The following SEPTIN7 variants were observed in gnomAD, a reference collection of about 807,000 sequenced individuals.
SEPTIN7 encodes the protein septin 7.
SEPTIN7 carries 10 observed loss-of-function variants against 63.3 expected under a neutral mutation model. That is an observed-to-expected ratio of 0.16 (90% CI 0.10 to 0.27). The LOEUF (loss-of-function observed/expected upper bound fraction) is 0.27, where lower values mean the gene tolerates loss of function less well. Among genes scored for constraint, SEPTIN7 ranks in the 10% least tolerant of loss-of-function variants. The pLI, the probability that SEPTIN7 is intolerant of heterozygous loss-of-function variation, is 1.00. For synonymous variants in SEPTIN7, 131 were observed against 165.3 expected, an observed-to-expected ratio of 0.79 and a Z score of 1.59; for missense variants, 310 against 521.0, an observed-to-expected ratio of 0.59 and a Z score of 3.94.
At chr7:35,833,396 C>A (rs1783931118) in intron 3 of SEPTIN7, among the ~76,000 whole-genome samples, 1 of 151,970 alleles carries the variant, frequency 6.6e-6, no homozygotes, top group East Asian at 1.9e-4. Context: ...TCTCCTGGTT[C>A]TCTAATTCAG....
At chr7:35,870,999 A>G (rs528913952) in intron 4 of SEPTIN7, among the ~76,000 whole-genome samples, 1 of 152,294 alleles carries the variant, frequency 6.6e-6, no homozygotes, top group Non-Finnish European at 1.5e-5. Context: ...GATGTGCATC[A>G]ATCATTGATA....
intron 1 of SEPTIN7, among the ~76,000 whole-genome samples, chr7:35,828,371 G>A (rs575702690): frequency 2.6e-5 from 4 of 151,852 alleles, no homozygotes; most frequent in African/African-American, 9.7e-5. Context: ...GCTTTGCCTC[G>A]ACCCCCTTCT....
In SEPTIN7 at chr7:35,898,395, A is replaced by G. The variant is rs759845444; in HGVS notation, c.1134+12A>G. 3 of 1,514,886 alleles carry G rather than the reference A, an allele frequency of 2.0e-6. No homozygotes were observed. Among genetic ancestry groups the G allele is most frequent in the East Asian group, 2.5e-5 (1 of 40,642 alleles). The allele number at this position is 1,514,886 out of a possible 1,614,324, so 93.8% of individuals were successfully genotyped here. Reference sequence around the variant, plus strand: ...ACTCTGAAGCTGAGGTAATCAGTCTAATATCCCATCTCTTAGCAGACATTG... The same window carrying G: ...ACTCTGAAGCTGAGGTAATCAGTCTGATATCCCATCTCTTAGCAGACATTG... On this transcript the variant is annotated intron_variant, in intron 12 of 13. Coordinates refer to ENST00000350320, the MANE Select transcript of SEPTIN7 (RefSeq NM_001788.6).
chr7:35,882,701 T>A (rs1396965366), intron 8 of SEPTIN7, 125 bp downstream of exon 8: 16 of 853,636 alleles, frequency 1.9e-5, no homozygotes, highest in Non-Finnish European at 2.5e-5. Flanking sequence ...CTAGGGAGAT[T>A]TAATGTTGAA....
At chr7:35,809,128 A>T (rs1372153430) in intron 1 of SEPTIN7, among the ~76,000 whole-genome samples, 1 of 152,228 alleles carries the variant, frequency 6.6e-6, no homozygotes, top group Non-Finnish European at 1.5e-5. Context: ...CATTCACTTA[A>T]CAAATACACG....
Position 35,905,539 on chromosome 7 carries a change from G to A in SEPTIN7, c.*1246G>A, listed in dbSNP as rs1448996706. The A allele has an allele frequency of 2.0e-5, 3 of 151,462 alleles. No homozygotes were observed. Among genetic ancestry groups the A allele is most frequent in the Non-Finnish European group, 2.9e-5 (2 of 67,958 alleles). 9.4% of individuals were successfully genotyped at this position (151,462 alleles called of 1,614,324 possible). On this transcript the variant is annotated 3_prime_UTR_variant, in exon 14 of 14. Transcript: ENST00000350320. ...CTGAGAACATTTTTTTTTTCCCCCAGACAGGGTCTTGCTTCATTGCCCAGG... is the reference window on the plus strand; with the variant it reads ...CTGAGAACATTTTTTTTTTCCCCCAAACAGGGTCTTGCTTCATTGCCCAGG...
At chr7:35,808,801 C>G (rs1177931732) in intron 1 of SEPTIN7, among the ~76,000 whole-genome samples, 1 of 152,190 alleles carries the variant, frequency 6.6e-6, no homozygotes, top group Non-Finnish European at 1.5e-5. Flanking sequence ...ATGGATAGAT[C>G]ATGATATGGG....
chr7:35,857,816 T>C (rs915736419), intron 3 of SEPTIN7, among the ~76,000 whole-genome samples: 1 of 152,068 alleles, frequency 6.6e-6, no homozygotes, highest in African/African-American at 2.4e-5. Context: ...TAGTATGAGG[T>C]GTACATACTG....
At chr7:35,835,650 A>G (rs1254508331) in intron 3 of SEPTIN7, among the ~76,000 whole-genome samples, 1 of 152,210 alleles carries the variant, frequency 6.6e-6, no homozygotes, top group Non-Finnish European at 1.5e-5. Context: ...AGATGAATTC[A>G]GTGAAAGAGA....
intron 1 of SEPTIN7, among the ~76,000 whole-genome samples, chr7:35,829,118 C>CATGGA (rs1783676754): frequency 7.8e-6 from 1 of 128,980 alleles, no homozygotes; most frequent in African/African-American, 2.8e-5. Flanking sequence ...CATTATAGTT[C>CATGGA]ATGGACCTTC....
Position 35,847,155 on chromosome 7 carries a change from T to A in SEPTIN7, c.169+14255T>A, listed in dbSNP as rs149901129. On this transcript the variant is annotated intron_variant, in intron 3 of 13. Coordinates refer to ENST00000350320, the MANE Select transcript of SEPTIN7 (RefSeq NM_001788.6). ...CGTGTCCAGATTGGTGGCTCCGAAG[T>A]GGGCAGCCTTGTGCACACAGTCGTG... 35 of 161,826 alleles carry A rather than the reference T, an allele frequency of 2.2e-4. No individual in the cohort carries two copies. In the East Asian group the frequency reaches 5.7e-3, roughly 26 times the overall value. The allele number at this position is 161,826 out of a possible 1,614,324, so 10.0% of individuals were successfully genotyped here.
intron 3 of SEPTIN7, among the ~76,000 whole-genome samples, chr7:35,839,431 A>G (rs1784293116): frequency 6.6e-6 from 1 of 152,236 alleles, no homozygotes; most frequent in African/African-American, 2.4e-5. Context: ...AAAATTTTAC[A>G]GAATGGAAAT....
Position 35,801,101 on chromosome 7 carries a change from G to C in SEPTIN7, c.-109G>C. ...GAGGAGTCCGCCTGCTGTAGCGTGC[G>C]TAAGCAAGGCAGCTACGCCGGGCGG... On this transcript the variant is annotated 5_prime_UTR_variant, in exon 1 of 14. Transcript: ENST00000350320. 2 of 852,410 alleles carry C rather than the reference G, an allele frequency of 2.3e-6. No individual in the cohort carries two copies. Among genetic ancestry groups the C allele is most frequent in the Non-Finnish European group, 1.7e-6 (1 of 587,308 alleles). 52.8% of individuals were successfully genotyped at this position (852,410 alleles called of 1,614,324 possible). A position where few individuals can be genotyped will look rare whatever the true frequency, so the allele number is the denominator to read the frequency against.
intron 6 of SEPTIN7, among the ~76,000 whole-genome samples, chr7:35,879,172 A>G (rs1048905481): frequency 6.6e-6 from 1 of 152,202 alleles, no homozygotes; most frequent in Non-Finnish European, 1.5e-5. Flanking sequence ...TGTAATGAAT[A>G]AAAGGGATGT....
the SEPTIN7 span, among the ~76,000 whole-genome samples, chr7:35,913,163 G>A: frequency 3.1e-4 from 47 of 152,082 alleles, no homozygotes; most frequent in African/African-American, 1.1e-3. Flanking sequence ...TCCTCAGAGG[G>A]TTATGGACTC....
chr7:35,886,265 C>T (rs1397643844), intron 10 of SEPTIN7, among the ~76,000 whole-genome samples: 1 of 152,112 alleles, frequency 6.6e-6, no homozygotes, highest in East Asian at 1.9e-4. Context: ...AGGTGCACAG[C>T]CTGGTAGCTG....
chr7:35,903,352 A>G (rs774634340), intron 13 of SEPTIN7, 137 bp downstream of exon 13: 4 of 1,351,336 alleles, frequency 3.0e-6, no homozygotes, highest in Non-Finnish European at 3.9e-6. Flanking sequence ...AATGGTTTTC[A>G]TAGATAAATA....
chr7:35,812,495 T>C (rs1057216515), intron 1 of SEPTIN7, among the ~76,000 whole-genome samples: 4 of 152,160 alleles, frequency 2.6e-5, no homozygotes, highest in African/African-American at 9.7e-5. Context: ...ACGTTAGTAC[T>C]GGCCAGGGTT....
Position 35,845,877 on chromosome 7 carries a change from A to G in SEPTIN7, c.169+12977A>G, listed in dbSNP as rs193167449. The stretch of plus-strand genomic sequence containing the variant: ...ACTTTGAGATTTTGGACCTGATTTT[A>G]TATATGTGGATGTTTGCCTTTGTTG... On this transcript the variant is annotated intron_variant, in intron 3 of 13. Coordinates refer to ENST00000350320, the MANE Select transcript of SEPTIN7 (RefSeq NM_001788.6). Among the ~76,000 whole-genome samples, 5 of 152,142 alleles carry G rather than the reference A, an allele frequency of 3.3e-5. No individual in the cohort carries two copies. In the East Asian group the frequency reaches 9.7e-4, roughly 29 times the overall value.
Sources: gnomAD v4.1 joint callset for allele counts (sites outside exome capture counted in the v4.1 genomes callset) on GRCh38, gnomAD v4.1.1 for gene constraint, MANE v1.5 for transcripts, NCBI Gene and HGNC (gene_info 2026-07-23, HGNC 2026-07-21) for gene names.